The following PLCB1 variants were observed in gnomAD, a reference collection of about 807,000 sequenced individuals.
PLCB1 encodes phospholipase C beta 1.
A neutral mutation model predicts 161.8 loss-of-function variants in PLCB1; 46 were observed. That is an observed-to-expected ratio of 0.28 (90% CI 0.22 to 0.36). The LOEUF (loss-of-function observed/expected upper bound fraction) is 0.36, where lower values mean the gene tolerates loss of function less well. PLCB1 is among the 10% of genes least tolerant of loss of function. The pLI is 1.00. For missense variants in PLCB1, 1,016 were observed against 1,472.5 expected (o/e 0.69, Z 5.07); for synonymous variants, 517 against 503.7 (o/e 1.03, Z -0.35).
chr20:8,601,465 C>T (rs1211821503), intron 3 of PLCB1, among the ~76,000 whole-genome samples: 3 of 152,138 alleles, frequency 2.0e-5, no homozygotes, highest in African/African-American at 7.2e-5. Context: ...TAAGTGAGAA[C>T]GTGTGAGTTG....
At chr20:8,478,532 G>A (rs558478445) in intron 3 of PLCB1, among the ~76,000 whole-genome samples, 6 of 152,170 alleles carry the variant, frequency 3.9e-5, no homozygotes, top group South Asian at 4.1e-4. Flanking sequence ...ACAGATGACA[G>A]GAAACAAATA....
intron 2 of PLCB1, among the ~76,000 whole-genome samples, chr20:8,190,805 T>C (rs1338206436): frequency 2.0e-5 from 3 of 152,140 alleles, no homozygotes; most frequent in Non-Finnish European, 2.9e-5. Context: ...CCTGGTTTTG[T>C]TACTGGTGCA....
At position 8,629,855 on chromosome 20, in the gene PLCB1, TTCTTTCTTTCTTTCTTTCTTTC is replaced by T. The variant is rs1240404233; in HGVS notation, c.384+1428_384+1449del. 6.0e-3 allele frequency among the ~76,000 whole-genome samples: 604 copies of T among 100,034 alleles called. 11 individuals are homozygous for T. Among genetic ancestry groups the T allele is most frequent in the Middle Eastern group, 0.037 (8 of 214 alleles). 65.6% of individuals were successfully genotyped at this position (100,034 alleles called of 152,430 possible). On this transcript the variant is annotated intron_variant, in intron 4 of 31. Transcript: ENST00000338037. Reference sequence around the variant, plus strand: ...TTTCTTTCTTTCTTTCTTTCTTTCTTTCTTTCTTTCTTTCTTTCTTTCTCTCTCTCTTTCTTTTCTTTCTTTC... The same window carrying T: ...TTTCTTTCTTTCTTTCTTTCTTTCTTTCTCTCTCTTTCTTTTCTTTCTTTC...
At position 8,666,421 on chromosome 20, in the gene PLCB1, GA is replaced by G. The variant is rs940679393; in HGVS notation, c.862+7726del. Reference sequence around the variant, plus strand: ...AGGTCAGAGTTGCTGAGCATTGAGAGAAAAAAAAATGGAAAGAGGCTGTGCC... The same window carrying G: ...AGGTCAGAGTTGCTGAGCATTGAGAGAAAAAAAATGGAAAGAGGCTGTGCC... On this transcript the variant is annotated intron_variant, in intron 9 of 31. Coordinates refer to ENST00000338037, the MANE Select transcript of PLCB1 (RefSeq NM_015192.4). Among the ~76,000 whole-genome samples the G allele has an allele frequency of 5.3e-5, 8 of 150,668 alleles. No individual in the cohort carries two copies. The South Asian group carries it at 1.5e-3, about 28-fold the overall frequency.
chr20:8,172,338 C>T (rs535723797), intron 2 of PLCB1, among the ~76,000 whole-genome samples: 7 of 152,102 alleles, frequency 4.6e-5, no homozygotes, highest in East Asian at 3.9e-4. Flanking sequence ...GATTTAAAGG[C>T]CGTGAGGGAT....
At chr20:8,404,440 T>C (rs1288478080) in intron 3 of PLCB1, among the ~76,000 whole-genome samples, 1 of 152,212 alleles carries the variant, frequency 6.6e-6, no homozygotes, top group Non-Finnish European at 1.5e-5. Flanking sequence ...GGCACCGAAC[T>C]GAAAATGAGA....
chr20:8,878,626 A>C (rs1191117078), intron 31 of PLCB1, among the ~76,000 whole-genome samples: 3 of 152,224 alleles, frequency 2.0e-5, no homozygotes, highest in African/African-American at 7.2e-5. Flanking sequence ...ATAGATTCAT[A>C]AATACCCCAC....
chr20:8,865,303 A>G (rs1225494942), intron 31 of PLCB1, among the ~76,000 whole-genome samples: 1 of 152,200 alleles, frequency 6.6e-6, no homozygotes, highest in Non-Finnish European at 1.5e-5. Context: ...TTATTCTCTA[A>G]TTCTACTTTA....
chr20:8,630,804 C>T (rs1040746917), intron 4 of PLCB1, among the ~76,000 whole-genome samples: 17 of 152,094 alleles, frequency 1.1e-4, no homozygotes, highest in African/African-American at 3.9e-4. Context: ...TTATATTACA[C>T]ATCAATCTGC....
intron 4 of PLCB1, among the ~76,000 whole-genome samples, chr20:8,630,046 T>C: frequency 6.8e-6 from 1 of 146,474 alleles, no homozygotes; most frequent in Non-Finnish European, 1.5e-5. Context: ...TCTTCTTTCC[T>C]TTCTTTCCTT....
chr20:8,770,254 AATC>A (rs748182849), intron 26 of PLCB1, among the ~76,000 whole-genome samples: 1 of 152,176 alleles, frequency 6.6e-6, no homozygotes, highest in Non-Finnish European at 1.5e-5. Flanking sequence ...GCCCAGCCAA[AATC>A]ATCATTTCTT....
intron 13 of PLCB1, 54 bp from the exon 14 acceptor site, chr20:8,717,617 G>T: frequency 7.1e-7 from 1 of 1,402,100 alleles, no homozygotes; most frequent in Non-Finnish European, 9.8e-7. Flanking sequence ...TCTGGGGAGG[G>T]GATCTGAAAG....
chr20:8,672,497 A>G (rs894470393), intron 9 of PLCB1, among the ~76,000 whole-genome samples: 1 of 151,084 alleles, frequency 6.6e-6, no homozygotes, highest in Non-Finnish European at 1.5e-5. Context: ...CTGCTGCCTT[A>G]AACTGCTTTT....
chr20:8,733,283 A>G lies in PLCB1; in HGVS notation c.1934A>G (p.Lys645Arg). The change falls in exon 19 of 32, where the codon AAG becomes AGG. Residue 645 changes from lysine to arginine, a missense_variant. This residue lies in a region of PLCB1 where 67 missense variants were observed against 195.6 expected (regional missense o/e 0.34). Coordinates refer to ENST00000338037, the MANE Select transcript of PLCB1 (RefSeq NM_015192.4). ...INMGMYEYNG[K>R]SGYRLKPEFM... The stretch of plus-strand genomic sequence containing the variant: ...ATGGGGATGTATGAATACAACGGGA[A>G]GAGTGGCTACAGATTGAAGCCAGAG... 6.2e-7 allele frequency: 1 copy of G among 1,614,062 alleles called. No individual in the cohort carries two copies.
chr20:8,419,705 C>T (rs1352680618), intron 3 of PLCB1, among the ~76,000 whole-genome samples: 1 of 152,124 alleles, frequency 6.6e-6, no homozygotes, highest in African/African-American at 2.4e-5. Context: ...TTTCAACTTA[C>T]AATGGGTTTA....
rs73613689 is a variant in PLCB1 at position 8,730,631 on chromosome 20, TAA to T, written c.1888+1465_1888+1466del. Among the ~76,000 whole-genome samples, 120 of 151,092 alleles carry T rather than the reference TAA, an allele frequency of 7.9e-4. 2 individuals are homozygous for T. In the East Asian group the frequency reaches 0.021, roughly 26 times the overall value. On this transcript the variant is annotated intron_variant, in intron 18 of 31. Coordinates refer to ENST00000338037, the MANE Select transcript of PLCB1 (RefSeq NM_015192.4). ...ACTGTATTATGTTTTCCTTGACTAC[TAA>T]AAAAAAACTATTTTTAAAATCATAT...
intron 23 of PLCB1, chr20:8,750,756 A>G: frequency 1.1e-6 from 1 of 920,996 alleles, no homozygotes. Flanking sequence ...CTTAAGGGAA[A>G]GGCTGGCTCT....
chr20:8,527,114 C>T (rs1481128580), intron 3 of PLCB1, among the ~76,000 whole-genome samples: 1 of 151,960 alleles, frequency 6.6e-6, no homozygotes, highest in African/African-American at 2.4e-5. Flanking sequence ...CCATACTAGC[C>T]CTGTAAGATT....
chr20:8,693,817 C>T (rs1990530894), intron 10 of PLCB1, among the ~76,000 whole-genome samples: 1 of 152,154 alleles, frequency 6.6e-6, no homozygotes, highest in Admixed American at 6.5e-5. Flanking sequence ...GGAATGTAAC[C>T]AGCCACCCAA....
Sources: allele counts gnomAD v4.1 joint callset (sites outside exome capture counted in the v4.1 genomes callset), GRCh38; gene constraint gnomAD v4.1.1; regional missense constraint gnomAD v4.1.1; transcripts MANE v1.5; gene names NCBI Gene and HGNC (gene_info 2026-07-23, HGNC 2026-07-21).